The following RORA variants were observed in gnomAD, a reference collection of about 807,000 sequenced individuals.
RORA encodes nuclear receptor ROR-alpha.
Under a neutral mutation model 69.5 loss-of-function variants are expected in RORA, and 7 were observed. The observed-to-expected ratio is 0.10, with a 90% CI of 0.06 to 0.19. The LOEUF is 0.19. Ranked by LOEUF, RORA falls within the 10% of genes least tolerant of loss-of-function variation. RORA has a pLI of 1.00. For missense variants in RORA, 457 were observed against 663.0 expected, an observed-to-expected ratio of 0.69 and a Z score of 3.41; for synonymous variants, 261 against 240.8, an observed-to-expected ratio of 1.08 and a Z score of -0.78.
At chr15:60,584,315 G>A in intron 2 of RORA, among the ~76,000 whole-genome samples, 1 of 152,196 alleles carries the variant, frequency 6.6e-6, no homozygotes, top group Admixed American at 6.5e-5. Context: ...GGATTTTAGA[G>A]CTAACTTATG....
chr15:61,154,203 C>A (rs941374366), intron 1 of RORA, among the ~76,000 whole-genome samples: 13 of 152,092 alleles, frequency 8.5e-5, no homozygotes, highest in Non-Finnish European at 1.5e-5. Context: ...TCTTTGGGGT[C>A]TTTGACTGAC....
rs182476012 is a variant in RORA at position 60,868,508 on chromosome 15, A to G, written c.167-189822T>C. Among the ~76,000 whole-genome samples the G allele has an allele frequency of 2.0e-5, 3 of 152,286 alleles. No individual in the cohort carries two copies. The East Asian group carries it at 5.8e-4, about 29-fold the overall frequency. ...CCAAACCTGATGGTTCTGTTGGGCT[A>G]GCAAGCCCTCAGTCATCAGAAGAAT... On this transcript the variant is annotated intron_variant, in intron 1 of 10. Coordinates refer to ENST00000335670, the MANE Select transcript of RORA (RefSeq NM_134261.3).
At chr15:60,543,843 G>A (rs972613375) in intron 2 of RORA, among the ~76,000 whole-genome samples, 1 of 152,182 alleles carries the variant, frequency 6.6e-6, no homozygotes, top group African/African-American at 2.4e-5. Context: ...ATAGGTCACT[G>A]TATTCCTTTT....
At chr15:61,167,776 T>C (rs2079550890) in intron 1 of RORA, among the ~76,000 whole-genome samples, 1 of 152,212 alleles carries the variant, frequency 6.6e-6, no homozygotes, top group Non-Finnish European at 1.5e-5. Context: ...TCATAATCTG[T>C]AGAACCGAAA....
chr15:60,511,722 A>G lies in RORA; in HGVS notation c.425-101T>C, dbSNP rs1801012826. 3.1e-6 allele frequency: 4 copies of G among 1,270,568 alleles called. No individual in the cohort carries two copies. The highest frequency in any genetic ancestry group is 5.6e-5 in the Admixed American group (2 of 35,960). The allele number at this position is 1,270,568 out of a possible 1,614,324, so 78.7% of individuals were successfully genotyped here. ...TCCTTTGAAGTCTCACACAATCTCA[A>G]TCCAAAACTGCATGACCACAAAATA... is the stretch of plus-strand genomic sequence containing the variant. On this transcript the variant is annotated intron_variant, in intron 4 of 10. Transcript: ENST00000335670. This position sits in a 1 kb window ranked among gnomAD's most constrained non-coding sequence, Gnocchi z 6.4.
At chr15:60,846,420 C>T (rs1011625831) in intron 1 of RORA, among the ~76,000 whole-genome samples, 21 of 152,216 alleles carry the variant, frequency 1.4e-4, no homozygotes, top group Admixed American at 3.3e-4. Context: ...CACACTATCA[C>T]GTCCTTATAA....
At chr15:60,580,175 T>A (rs1019530801) in intron 2 of RORA, among the ~76,000 whole-genome samples, 4 of 152,202 alleles carry the variant, frequency 2.6e-5, no homozygotes, top group Non-Finnish European at 5.9e-5. Context: ...CTTCCTGTTC[T>A]ACTTTTGGCA....
intron 1 of RORA, among the ~76,000 whole-genome samples, chr15:61,196,544 CAG>C (rs2079846885): frequency 6.6e-6 from 1 of 152,240 alleles, no homozygotes; most frequent in Non-Finnish European, 1.5e-5. Context: ...GCGTGATTCT[CAG>C]AGAGTACATG....
At chr15:60,625,292 A>G (rs1412740359) in intron 2 of RORA, among the ~76,000 whole-genome samples, 1 of 152,182 alleles carries the variant, frequency 6.6e-6, no homozygotes, top group Non-Finnish European at 1.5e-5. Context: ...TGTTTTGTTA[A>G]GTAAAAAACT....
At chr15:60,897,171 G>A (rs1025905228) in intron 1 of RORA, among the ~76,000 whole-genome samples, 6 of 152,286 alleles carry the variant, frequency 3.9e-5, no homozygotes, top group Non-Finnish European at 7.4e-5. Context: ...ATAGAAAAGA[G>A]AGAAAGCCCT....
At chr15:61,134,402 T>C (rs566900423) in intron 1 of RORA, among the ~76,000 whole-genome samples, 7 of 152,230 alleles carry the variant, frequency 4.6e-5, no homozygotes, top group Non-Finnish European at 8.8e-5. Context: ...TGTAAGGTTC[T>C]GTGCCTCGGT....
intron 1 of RORA, among the ~76,000 whole-genome samples, chr15:60,939,339 T>C (rs1892618475): frequency 6.6e-6 from 1 of 152,108 alleles, no homozygotes; most frequent in Non-Finnish European, 1.5e-5. Context: ...GATTCTCTAC[T>C]GGACAAAGGG....
intron 2 of RORA, among the ~76,000 whole-genome samples, chr15:60,649,664 C>T (rs1420236689): frequency 2.6e-5 from 4 of 152,262 alleles, no homozygotes; most frequent in African/African-American, 9.6e-5. Context: ...GACTGCAGCC[C>T]CTCACTTTGC....
At chr15:60,746,668 G>A (rs1305508001) in intron 1 of RORA, among the ~76,000 whole-genome samples, 1 of 152,178 alleles carries the variant, frequency 6.6e-6, no homozygotes, top group Admixed American at 6.5e-5. Flanking sequence ...CTAAGCCTGG[G>A]TTCACTGTAC....
intron 1 of RORA, among the ~76,000 whole-genome samples, chr15:61,170,265 G>A (rs2079573858): frequency 6.6e-6 from 1 of 152,214 alleles, no homozygotes; most frequent in Non-Finnish European, 1.5e-5. Flanking sequence ...TCTTCTGAAA[G>A]CTGTAGGGAG....
At chr15:60,618,888 A>C (rs1384574774) in intron 2 of RORA, among the ~76,000 whole-genome samples, 1 of 152,166 alleles carries the variant, frequency 6.6e-6, no homozygotes, top group African/African-American at 2.4e-5. Flanking sequence ...ATCTGCCTTA[A>C]CACCTCCTTG....
intron 2 of RORA, among the ~76,000 whole-genome samples, chr15:60,568,944 TAAAA>T (rs34688193): frequency 2.4e-4 from 33 of 137,474 alleles, no homozygotes; most frequent in Admixed American, 5.9e-4. Context: ...GGTTTTGCGC[TAAAA>T]AAAAAAAAAA....
At chr15:61,182,636 A>G (rs1054602135) in intron 1 of RORA, among the ~76,000 whole-genome samples, 3 of 152,228 alleles carry the variant, frequency 2.0e-5, no homozygotes, top group Admixed American at 6.5e-5. Flanking sequence ...AAGGAGAAGT[A>G]GAATATTTCC....
At chr15:61,019,451 C>A (rs986705703) in intron 1 of RORA, among the ~76,000 whole-genome samples, 1 of 152,168 alleles carries the variant, frequency 6.6e-6, no homozygotes, top group African/African-American at 2.4e-5. Flanking sequence ...ACATTATTTC[C>A]TGCTAATATA....
Sources: gnomAD v4.1 joint callset for allele counts (sites outside exome capture counted in the v4.1 genomes callset) on GRCh38, gnomAD v4.1.1 for gene constraint, Gnocchi (gnomAD v3.1) non-coding constraint, MANE v1.5 for transcripts, NCBI Gene and HGNC (gene_info 2026-07-23, HGNC 2026-07-21) for gene names.